The following COL4A2 variants were observed in gnomAD, a reference collection of about 807,000 sequenced individuals.
COL4A2 encodes collagen alpha-2(IV) chain.
COL4A2 carries 99 observed loss-of-function variants against 200.2 expected under a neutral mutation model. The ratio of observed to expected loss-of-function variants is 0.49; its 90% CI spans 0.42 to 0.58. The LOEUF is 0.58. Among genes scored for constraint, COL4A2 ranks in the 20% least tolerant of loss-of-function variants. The probability of loss-of-function intolerance (pLI) is 0.00; values close to 1 mark genes in which losing one functional copy is unlikely to be tolerated. For synonymous variants in COL4A2, 897 were observed against 900.6 expected (o/e 1.00, Z 0.07); for missense variants, 1,950 against 2,314.1 (o/e 0.84, Z 3.23).
At chr13:110,463,520 C>G (rs957810398) in intron 24 of COL4A2, among the ~76,000 whole-genome samples, 2 of 152,202 alleles carry the variant, frequency 1.3e-5, no homozygotes, top group African/African-American at 4.8e-5. Context: ...GCTTATTTGC[C>G]TCATTCCATA....
intron 17 of COL4A2, among the ~76,000 whole-genome samples, chr13:110,446,193 C>T (rs1324496215): frequency 2.0e-5 from 3 of 151,954 alleles, no homozygotes; most frequent in Admixed American, 6.6e-5. Context: ...CCCTGGTTTC[C>T]AAGGGAGGAT....
intron 3 of COL4A2, among the ~76,000 whole-genome samples, chr13:110,353,545 G>A (rs1239693940): frequency 2.0e-5 from 3 of 152,160 alleles, no homozygotes; most frequent in African/African-American, 4.8e-5. Context: ...TTTGTGTCTC[G>A]AGACTGTTTC....
chr13:110,312,327 G>A, intron 3 of COL4A2, among the ~76,000 whole-genome samples: 1 of 152,206 alleles, frequency 6.6e-6, no homozygotes, highest in East Asian at 1.9e-4. Flanking sequence ...AACAGGCTCT[G>A]TACGACCAGG....
At chr13:110,335,475 T>C (rs1360675084) in intron 3 of COL4A2, among the ~76,000 whole-genome samples, 1 of 152,216 alleles carries the variant, frequency 6.6e-6, no homozygotes, top group Non-Finnish European at 1.5e-5. Flanking sequence ...TCTGCCACCA[T>C]GTAAGACGTG....
chr13:110,322,588 C>A (rs993058573), intron 3 of COL4A2, among the ~76,000 whole-genome samples: 1 of 152,154 alleles, frequency 6.6e-6, no homozygotes, highest in African/African-American at 2.4e-5. Context: ...AGGCTGTGAT[C>A]GGGTGCAGGC....
intron 26 of COL4A2, 55 bp downstream of exon 26, chr13:110,466,117 G>T (rs1382067473): frequency 3.2e-6 from 5 of 1,575,224 alleles, no homozygotes; most frequent in Non-Finnish European, 4.3e-6. Flanking sequence ...CATTTGGTCT[G>T]CTGGTTAAGC....
intron 20 of COL4A2, among the ~76,000 whole-genome samples, chr13:110,455,097 G>A (rs1025604709): frequency 2.3e-4 from 35 of 152,248 alleles, no homozygotes; most frequent in South Asian, 8.3e-4. Flanking sequence ...CACCGCCCGC[G>A]TAGCCTGCTA....
At chr13:110,448,794 G>C (rs1012655590) in intron 18 of COL4A2, among the ~76,000 whole-genome samples, 3 of 152,234 alleles carry the variant, frequency 2.0e-5, no homozygotes, top group African/African-American at 7.2e-5. Context: ...GTACTTTTCA[G>C]TGTGTTTACC....
At chr13:110,437,255 C>T (rs1046678490) in intron 13 of COL4A2, among the ~76,000 whole-genome samples, 3 of 152,130 alleles carry the variant, frequency 2.0e-5, no homozygotes, top group Admixed American at 1.3e-4. Flanking sequence ...ACAAAAATGT[C>T]CTGGGAGACG....
intron 4 of COL4A2, among the ~76,000 whole-genome samples, chr13:110,423,526 T>C (rs1165393735): frequency 3.5e-4 from 53 of 152,154 alleles, no homozygotes; most frequent in Admixed American, 3.5e-3. Flanking sequence ...CTTTATTGTA[T>C]TAAGTTCCAG....
At chr13:110,393,814 G>T (rs2139424593) in intron 4 of COL4A2, among the ~76,000 whole-genome samples, 1 of 152,306 alleles carries the variant, frequency 6.6e-6, no homozygotes, top group African/African-American at 2.4e-5. Context: ...GGGAGGCAGA[G>T]GTTACAGGGA....
Position 110,375,027 on chromosome 13 carries a change from T to G in COL4A2, c.180+17475T>G, listed in dbSNP as rs1238867966. On this transcript the variant is annotated intron_variant, in intron 4 of 47. Coordinates refer to ENST00000360467, the MANE Select transcript of COL4A2 (RefSeq NM_001846.4). The stretch of plus-strand genomic sequence containing the variant: ...CTTTCTTTACTGGGGCCCTTTTACT[T>G]TAGTCCTTATCTACTCCAATAAGGC... 1.3e-3 allele frequency among the ~76,000 whole-genome samples: 198 copies of G among 152,280 alleles called. 3 individuals are homozygous for G. Among genetic ancestry groups the G allele is most frequent in the Non-Finnish European group, 1.8e-4 (12 of 68,024 alleles).
intron 4 of COL4A2, among the ~76,000 whole-genome samples, chr13:110,386,302 G>C (rs993207058): frequency 1.3e-5 from 2 of 152,210 alleles, no homozygotes; most frequent in East Asian, 1.9e-4. Context: ...AATCCTCCAA[G>C]GTTTTCGGAC....
At chr13:110,422,495 C>T (rs752984281) in intron 4 of COL4A2, among the ~76,000 whole-genome samples, 6 of 152,158 alleles carry the variant, frequency 3.9e-5, no homozygotes, top group Admixed American at 2.0e-4. Context: ...AGCTTCACCA[C>T]GACTTAGGAG....
intron 4 of COL4A2, among the ~76,000 whole-genome samples, chr13:110,394,456 TCTC>T (rs1184654383): frequency 2.6e-5 from 4 of 152,114 alleles, no homozygotes; most frequent in Non-Finnish European, 5.9e-5. Flanking sequence ...TCACAGGTCT[TCTC>T]CTGGTAGCGC....
rs369127455 is a variant in COL4A2, at chr13:110,493,416, G to A, written c.3634+134G>A. 68 of 871,616 alleles carry A rather than the reference G, an allele frequency of 7.8e-5. 2 individuals are homozygous for A. Among genetic ancestry groups the A allele is most frequent in the African/African-American group, 7.1e-4 (42 of 59,390 alleles). 54.0% of individuals were successfully genotyped at this position (871,616 alleles called of 1,614,324 possible). A position where few individuals can be genotyped will look rare whatever the true frequency, so the allele number is the denominator to read the frequency against. ...GGGTGGGCTTCCTGAAGTGCTATGC[G>A]ATCGGCCGTGAGGGGCGGGTCCGGG... On this transcript the variant is annotated intron_variant, in intron 39 of 47. Transcript: ENST00000360467.
rs9588140 is a variant in COL4A2, at chr13:110,331,480, A to G, written c.99+23357A>G. ...TGGCTGCCTTGGCCCATGCAGACTC[A>G]CGCCTGACCCTCGTTACTGGGCCGC... is the stretch of plus-strand genomic sequence containing the variant. On this transcript the variant is annotated intron_variant, in intron 3 of 47. Coordinates refer to ENST00000360467, the MANE Select transcript of COL4A2 (RefSeq NM_001846.4). 8.7e-3 allele frequency among the ~76,000 whole-genome samples: 1,332 copies of G among 152,302 alleles called. 24 individuals are homozygous for G. The highest frequency in any genetic ancestry group is 0.031 in the African/African-American group (1,279 of 41,558).
chr13:110,381,166 C>T (rs1457185374), intron 4 of COL4A2, among the ~76,000 whole-genome samples: 3 of 151,494 alleles, frequency 2.0e-5, no homozygotes, highest in African/African-American at 4.9e-5. Flanking sequence ...CTCACATCCA[C>T]GGGCTCTATC....
At chr13:110,446,296 C>T (rs1244998274) in intron 17 of COL4A2, among the ~76,000 whole-genome samples, 3 of 152,070 alleles carry the variant, frequency 2.0e-5, no homozygotes, top group Non-Finnish European at 4.4e-5. Context: ...GAGAGGGGAA[C>T]GCACCCGTGG....
Sources: gnomAD v4.1 joint callset for allele counts (sites outside exome capture counted in the v4.1 genomes callset) on GRCh38, gnomAD v4.1.1 for gene constraint, MANE v1.5 for transcripts, NCBI Gene and HGNC (gene_info 2026-07-23, HGNC 2026-07-21) for gene names.